AKAP13: variants seen among roughly 807,000 people sequenced by gnomAD.
AKAP13 encodes the protein A-kinase anchoring protein 13, also known as A-kinase anchor protein 13.
A neutral mutation model predicts 264.5 loss-of-function variants in AKAP13; 80 were observed. That is an observed-to-expected ratio of 0.30 (90% CI 0.25 to 0.36). The LOEUF is 0.36. AKAP13 is among the 10% of genes least tolerant of loss of function. The probability of loss-of-function intolerance (pLI) is 1.00; values close to 1 mark genes in which losing one functional copy is unlikely to be tolerated. For synonymous variants in AKAP13, 1,380 were observed against 1,250.2 expected (o/e 1.10, Z -2.19); for missense variants, 3,712 against 3,435.2 (o/e 1.08, Z -2.01).
intron 2 of AKAP13, among the ~76,000 whole-genome samples, chr15:85,517,805 G>C (rs1567100092): frequency 6.6e-6 from 1 of 152,088 alleles, no homozygotes; most frequent in South Asian, 2.1e-4. Flanking sequence ...ATTAGTTTTT[G>C]TGTCATCTGT....
At chr15:85,594,741 A>G (rs1389480075) in intron 8 of AKAP13, among the ~76,000 whole-genome samples, 1 of 152,232 alleles carries the variant, frequency 6.6e-6, no homozygotes, top group Non-Finnish European at 1.5e-5. Context: ...TCTTTGAGAA[A>G]GGCCTAGGTC....
intron 3 of AKAP13, among the ~76,000 whole-genome samples, chr15:85,524,932 G>A (rs1012582672): frequency 6.6e-6 from 1 of 151,300 alleles, no homozygotes; most frequent in Non-Finnish European, 1.5e-5. Context: ...AGTTGTAAAG[G>A]CCTTTTAAAG....
At chr15:85,635,063 T>G (rs1170353637) in intron 8 of AKAP13, 1 of 398,088 alleles carries the variant, frequency 2.5e-6, no homozygotes, top group Non-Finnish European at 4.4e-6. Flanking sequence ...TGACAGTAGG[T>G]TTTGATTCTT....
At chr15:85,651,886 G>C (rs771915576) in intron 10 of AKAP13, among the ~76,000 whole-genome samples, 6 of 152,280 alleles carry the variant, frequency 3.9e-5, no homozygotes, top group South Asian at 4.2e-4. Context: ...TAGATTATAT[G>C]GTAGGTATAG....
intron 10 of AKAP13, among the ~76,000 whole-genome samples, chr15:85,654,830 G>C (rs1469172401): frequency 6.7e-6 from 1 of 149,308 alleles, no homozygotes; most frequent in Non-Finnish European, 1.5e-5. Flanking sequence ...TCTCAAATTG[G>C]AAAAAAAAGA....
intron 12 of AKAP13, among the ~76,000 whole-genome samples, chr15:85,659,833 A>G (rs2083259504): frequency 6.6e-6 from 1 of 152,198 alleles, no homozygotes; most frequent in African/African-American, 2.4e-5. Flanking sequence ...TTGAAACATT[A>G]CAACAGGTAT....
rs2077767700 is a variant in AKAP13 at position 85,546,889 on chromosome 15, A to G, written c.662+2934A>G. Among the ~76,000 whole-genome samples, 4 of 152,086 alleles carry G rather than the reference A, an allele frequency of 2.6e-5. No homozygotes were observed. In the South Asian group the frequency reaches 6.2e-4, roughly 24 times the overall value. On this transcript the variant is annotated intron_variant, in intron 5 of 36. Transcript: ENST00000394518. ...CTCCTGAGTAGCTGGGATTACAGGC[A>G]TGCGCCACCATGTCCGGCTAATTTT...
At chr15:85,700,863 G>A (rs951771049) in intron 17 of AKAP13, among the ~76,000 whole-genome samples, 4 of 152,012 alleles carry the variant, frequency 2.6e-5, no homozygotes, top group Non-Finnish European at 4.4e-5. Context: ...CATGAAGAAC[G>A]TTAAGATGTT....
intron 3 of AKAP13, among the ~76,000 whole-genome samples, chr15:85,529,411 A>C (rs2077180704): frequency 6.6e-6 from 1 of 152,022 alleles, no homozygotes; most frequent in South Asian, 2.1e-4. Flanking sequence ...ACAGAGCGAG[A>C]CTCCGTCTCA....
At chr15:85,707,437 G>A (rs941767532) in intron 17 of AKAP13, among the ~76,000 whole-genome samples, 2 of 152,194 alleles carry the variant, frequency 1.3e-5, no homozygotes, top group Non-Finnish European at 2.9e-5. Context: ...GACCTTTCAT[G>A]TGTGGTTCCT....
intron 35 of AKAP13, 67 bp downstream of exon 35, chr15:85,741,562 A>G: frequency 6.7e-7 from 1 of 1,487,030 alleles, no homozygotes. Flanking sequence ...TGTATTAAGC[A>G]AGGTAAGAAA....
rs2087681925 is a variant in AKAP13, at chr15:85,727,381, G to A, written c.7005G>A (p.Leu2335=). 6.2e-7 allele frequency: 1 copy of A among 1,614,150 alleles called. No homozygotes were observed. Among genetic ancestry groups the A allele is most frequent in the Non-Finnish European group, 8.5e-7 (1 of 1,180,024 alleles). Reference sequence around the variant, plus strand: ...TTCTGTCTTGTTTGGGTTGTATTAGGAACAGAGATGAAGATGAAGGAATTC... The same window carrying A: ...TTCTGTCTTGTTTGGGTTGTATTAGAAACAGAGATGAAGATGAAGGAATTC... ...IQIIQDTINT[L]NRDEDEGIPS... Residue 2335 remains leucine, a splice_region_variant and synonymous_variant, in exon 29 of 37, where the codon CTG becomes CTA. Coordinates refer to ENST00000394518, the MANE Select transcript of AKAP13 (RefSeq NM_007200.5). The surrounding 1 kb of genome is among the most constrained non-coding windows in gnomAD (Gnocchi z 5.3).
Position 85,746,812 on chromosome 15 carries a change from A to G in AKAP13, c.*2135A>G, listed in dbSNP as rs919701688. The G allele has an allele frequency of 1.3e-4, 20 of 152,246 alleles. No individual in the cohort carries two copies. Among genetic ancestry groups the G allele is most frequent in the African/African-American group, 4.8e-4 (20 of 41,540 alleles). 9.4% of individuals were successfully genotyped at this position (152,246 alleles called of 1,614,324 possible). The stretch of plus-strand genomic sequence containing the variant: ...GGGATTTGCAGGAGGGCAGTACTGA[A>G]CCTGCATTCTTCTCCTTGTAAATGT... On this transcript the variant is annotated 3_prime_UTR_variant, in exon 37 of 37. Transcript: ENST00000394518.
chr15:85,559,605 C>G (rs1457499984), intron 5 of AKAP13, among the ~76,000 whole-genome samples: 2 of 152,120 alleles, frequency 1.3e-5, no homozygotes, highest in African/African-American at 4.8e-5. Flanking sequence ...GAGACAGTGA[C>G]AGATCATCAA....
At chr15:85,493,020 G>A (rs981171153) in intron 2 of AKAP13, among the ~76,000 whole-genome samples, 1 of 152,138 alleles carries the variant, frequency 6.6e-6, no homozygotes, top group Non-Finnish European at 1.5e-5. Context: ...GGTATCTTTT[G>A]CATATTGGAT....
intron 9 of AKAP13, among the ~76,000 whole-genome samples, chr15:85,642,397 T>C (rs762085872): frequency 2.0e-5 from 3 of 152,232 alleles, no homozygotes; most frequent in Non-Finnish European, 4.4e-5. Context: ...TCTTTACTCT[T>C]GTTTACACTT....
chr15:85,538,740 C>T (rs1461067997), intron 4 of AKAP13, among the ~76,000 whole-genome samples: 3 of 151,386 alleles, frequency 2.0e-5, no homozygotes, highest in Non-Finnish European at 2.9e-5. Flanking sequence ...CCTCCCGCCT[C>T]GGCCTCCCAA....
At chr15:85,381,685 A>G (rs1158680991) in intron 1 of AKAP13, 2 of 152,014 alleles carry the variant, frequency 1.3e-5, no homozygotes, top group African/African-American at 2.4e-5. Context: ...TTAATTTTCT[A>G]GATCCCGGAA....
chr15:85,669,158 C>A (rs573286485), intron 13 of AKAP13, among the ~76,000 whole-genome samples: 10 of 152,242 alleles, frequency 6.6e-5, no homozygotes, highest in African/African-American at 1.9e-4. Flanking sequence ...ATTGTTGGAA[C>A]CTGGAGGCAG....
Sources: allele counts gnomAD v4.1 joint callset (sites outside exome capture counted in the v4.1 genomes callset), GRCh38; gene constraint gnomAD v4.1.1; non-coding constraint Gnocchi (gnomAD v3.1); transcripts MANE v1.5; gene names NCBI Gene and HGNC (gene_info 2026-07-23, HGNC 2026-07-21).